AFF3: variants seen among roughly 807,000 people sequenced by gnomAD.
The protein encoded by AFF3 is AF4/FMR2 family member 3.
AFF3 carries 32 observed loss-of-function variants against 129.7 expected under a neutral mutation model. The observed-to-expected ratio is 0.25, with a 90% CI of 0.19 to 0.33. The LOEUF (loss-of-function observed/expected upper bound fraction) is 0.33, where lower values mean the gene tolerates loss of function less well. Among genes scored for constraint, AFF3 ranks in the 10% least tolerant of loss-of-function variants. AFF3 has a pLI of 1.00. For missense variants in AFF3, 1,373 were observed against 1,592.0 expected (o/e 0.86, Z 2.34); for synonymous variants, 644 against 635.4 (o/e 1.01, Z -0.20).
intron 11 of AFF3, among the ~76,000 whole-genome samples, chr2:99,700,620 T>G (rs377490487): frequency 2.0e-5 from 3 of 152,228 alleles, no homozygotes; most frequent in African/African-American, 7.2e-5. Flanking sequence ...GCAGTACAAA[T>G]TGGTTTGTCA....
intron 7 of AFF3, among the ~76,000 whole-genome samples, chr2:99,964,552 T>C (rs543651885): frequency 3.5e-4 from 53 of 152,248 alleles, no homozygotes; most frequent in Admixed American, 2.0e-3. Flanking sequence ...TAAAAATCCA[T>C]AGAATGTAAT....
At chr2:100,003,398 G>C (rs1217207145) in intron 7 of AFF3, among the ~76,000 whole-genome samples, 1 of 152,220 alleles carries the variant, frequency 6.6e-6, no homozygotes, top group Non-Finnish European at 1.5e-5. Flanking sequence ...TAGAGGGCAT[G>C]CTTTGGCTAT....
intron 7 of AFF3, among the ~76,000 whole-genome samples, chr2:99,982,106 A>C (rs1015571770): frequency 1.3e-5 from 2 of 152,222 alleles, no homozygotes; most frequent in African/African-American, 4.8e-5. Flanking sequence ...GGGTGGGACC[A>C]AACTACCACC....
intron 7 of AFF3, among the ~76,000 whole-genome samples, chr2:99,977,383 G>A (rs769772747): frequency 2.0e-4 from 31 of 152,272 alleles, no homozygotes; most frequent in Non-Finnish European, 3.8e-4. Context: ...GATTTCCAAC[G>A]TGGCAGAGAA....
intron 8 of AFF3, among the ~76,000 whole-genome samples, chr2:99,807,258 G>C (rs1576041454): frequency 6.6e-6 from 1 of 152,198 alleles, no homozygotes; most frequent in Admixed American, 6.5e-5. Flanking sequence ...CATAGGACAA[G>C]GCAGAGAAAA....
At chr2:99,592,884 C>T (rs994811246) in intron 15 of AFF3, among the ~76,000 whole-genome samples, 2 of 151,238 alleles carry the variant, frequency 1.3e-5, no homozygotes, top group African/African-American at 2.4e-5. Flanking sequence ...TGCAGTGAAC[C>T]GAGATTGTGC....
intron 8 of AFF3, among the ~76,000 whole-genome samples, chr2:99,780,115 A>G (rs1346264300): frequency 6.6e-6 from 1 of 152,154 alleles, no homozygotes; most frequent in African/African-American, 2.4e-5. Flanking sequence ...CTTATCTCCC[A>G]TCTCCAAACA....
In AFF3 at chr2:99,549,790, TC is replaced by T. The variant is rs1674281272; in HGVS notation, c.*1683del. The T allele has an allele frequency of 4.5e-6, 1 of 222,360 alleles. No homozygotes were observed. Among genetic ancestry groups the T allele is most frequent in the African/African-American group, 2.2e-5 (1 of 44,748 alleles). The allele number at this position is 222,360 out of a possible 1,614,324, so 13.8% of individuals were successfully genotyped here. ...GCTCAGAGCTAAGGAATTATGATGATCTTACTTCCCACCTACAGATCAGGCT... is the reference window on the plus strand; with the variant it reads ...GCTCAGAGCTAAGGAATTATGATGATTTACTTCCCACCTACAGATCAGGCT... On this transcript the variant is annotated 3_prime_UTR_variant, in exon 25 of 25. Coordinates refer to ENST00000672756, the MANE Select transcript of AFF3 (RefSeq NM_001386135.1).
chr2:100,045,381 A>G (rs1431194450), intron 4 of AFF3, among the ~76,000 whole-genome samples: 3 of 152,166 alleles, frequency 2.0e-5, no homozygotes, highest in Non-Finnish European at 2.9e-5. Context: ...GTACTTCTTA[A>G]TAAGAACAGC....
At position 99,746,878 on chromosome 2, in the gene AFF3, A is replaced by G. The variant is rs541216379; in HGVS notation, c.1003-2738T>C. On this transcript the variant is annotated intron_variant, in intron 9 of 24. Coordinates refer to ENST00000672756, the MANE Select transcript of AFF3 (RefSeq NM_001386135.1). ...ATCTGGGCCATTTGGTGGCATCTGT[A>G]CTAGGGAGGGGAAATACACACCATC... 2.6e-5 allele frequency among the ~76,000 whole-genome samples: 4 copies of G among 152,022 alleles called. No homozygotes were observed. The South Asian group carries it at 8.3e-4, about 32-fold the overall frequency.
Position 99,718,836 on chromosome 2 carries a change from T to C in AFF3, c.1091+8241A>G, listed in dbSNP as rs572410546. ...CACGATCTCAGCCCACTGCAAGCTCTGCCTCCCGGGTTCATGCCATTCTCC... is the reference window on the plus strand; with the variant it reads ...CACGATCTCAGCCCACTGCAAGCTCCGCCTCCCGGGTTCATGCCATTCTCC... On this transcript the variant is annotated intron_variant, in intron 11 of 24. Transcript: ENST00000672756. 1.6e-4 allele frequency among the ~76,000 whole-genome samples: 25 copies of C among 151,922 alleles called. No homozygotes were observed. The East Asian group carries it at 4.9e-3, about 30-fold the overall frequency.
At chr2:99,937,898 C>T (rs1224744726) in intron 7 of AFF3, among the ~76,000 whole-genome samples, 2 of 152,106 alleles carry the variant, frequency 1.3e-5, no homozygotes, top group African/African-American at 2.4e-5. Flanking sequence ...AGTAACCAGT[C>T]GTTGATGTAT....
chr2:99,603,476 C>T (rs984709265), intron 13 of AFF3, among the ~76,000 whole-genome samples: 1 of 152,106 alleles, frequency 6.6e-6, no homozygotes, highest in Non-Finnish European at 1.5e-5. Context: ...ATACAAAAAT[C>T]GACTCAAGAT....
intron 7 of AFF3, among the ~76,000 whole-genome samples, chr2:99,968,246 C>A (rs758885064): frequency 6.6e-6 from 1 of 152,210 alleles, no homozygotes; most frequent in Non-Finnish European, 1.5e-5. Flanking sequence ...TTTAGTGCCT[C>A]CCACTTGCTC....
At chr2:99,924,003 C>T (rs1696047546) in intron 7 of AFF3, among the ~76,000 whole-genome samples, 1 of 152,148 alleles carries the variant, frequency 6.6e-6, no homozygotes, top group Non-Finnish European at 1.5e-5. Context: ...GAGCAGATGA[C>T]TTAATGCAGT....
chr2:99,859,823 G>A (rs1690838768), intron 7 of AFF3, among the ~76,000 whole-genome samples: 2 of 152,136 alleles, frequency 1.3e-5, no homozygotes, highest in Non-Finnish European at 2.9e-5. Flanking sequence ...TGCTACAGAA[G>A]GGCCAGACGA....
intron 7 of AFF3, among the ~76,000 whole-genome samples, chr2:99,914,355 T>A (rs1695310408): frequency 6.6e-6 from 1 of 152,076 alleles, no homozygotes; most frequent in South Asian, 2.1e-4. Flanking sequence ...GTAAAGTTTG[T>A]AAGGGACAAA....
rs567770218 is a variant in AFF3 at position 100,116,430 on chromosome 2, G to T, written c.-144-10847C>A. Among the ~76,000 whole-genome samples, 10 of 152,016 alleles carry T rather than the reference G, an allele frequency of 6.6e-5. No homozygotes were observed. In the South Asian group the frequency reaches 2.1e-3, roughly 32 times the overall value. On this transcript the variant is annotated intron_variant, in intron 2 of 24. Transcript: ENST00000672756. Reference sequence around the variant, plus strand: ...TCGTTCTGTTCCTTTGTCTATTTTTGTGCTGTCCTCATTTGGATTATTTGA... The same window carrying T: ...TCGTTCTGTTCCTTTGTCTATTTTTTTGCTGTCCTCATTTGGATTATTTGA...
intron 7 of AFF3, among the ~76,000 whole-genome samples, chr2:99,877,429 C>G (rs1010731225): frequency 1.3e-5 from 2 of 152,142 alleles, no homozygotes; most frequent in African/African-American, 4.8e-5. Flanking sequence ...GGAATCACCA[C>G]TATGAGAAAT....
Sources: allele counts gnomAD v4.1 joint callset (sites outside exome capture counted in the v4.1 genomes callset), GRCh38; gene constraint gnomAD v4.1.1; transcripts MANE v1.5; gene names NCBI Gene and HGNC (gene_info 2026-07-23, HGNC 2026-07-21).